TUT7: variants seen among roughly 807,000 people sequenced by gnomAD.
TUT7 encodes the protein terminal uridylyltransferase 7.
A neutral mutation model predicts 165.9 loss-of-function variants in TUT7; 33 were observed. That is an observed-to-expected ratio of 0.20 (90% CI 0.15 to 0.27). The LOEUF (loss-of-function observed/expected upper bound fraction) is 0.27, where lower values mean the gene tolerates loss of function less well. Ranked by LOEUF, TUT7 falls within the 10% of genes least tolerant of loss-of-function variation. The pLI, the probability that TUT7 is intolerant of heterozygous loss-of-function variation, is 1.00. For missense variants in TUT7, 1,338 were observed against 1,762.3 expected, an observed-to-expected ratio of 0.76 and a Z score of 4.31; for synonymous variants, 552 against 608.1, an observed-to-expected ratio of 0.91 and a Z score of 1.36.
intron 26 of TUT7, among the ~76,000 whole-genome samples, chr9:86,296,654 A>G (rs1826352527): frequency 6.6e-6 from 1 of 152,238 alleles, no homozygotes; most frequent in Non-Finnish European, 1.5e-5. Context: ...CACCAATTTT[A>G]TAGATGACAT....
At position 86,340,049 on chromosome 9, in the gene TUT7, T is replaced by G. The variant is rs762880708; in HGVS notation, c.1195A>C (p.Arg399=). The G allele has an allele frequency of 1.3e-5, 21 of 1,613,784 alleles. No homozygotes were observed. The Admixed American group carries it at 3.5e-4, about 27-fold the overall frequency. Residue 399 remains arginine (R), a synonymous_variant, in exon 8 of 27, where the codon AGA becomes CGA. Coordinates refer to ENST00000375963, the MANE Select transcript of TUT7 (RefSeq NM_024617.4). ...AAGAAATGAGACCTTTGCTTTTCTCTGCACACCACCACTGGCACCCTAGCA... is the reference window on the plus strand; with the variant it reads ...AAGAAATGAGACCTTTGCTTTTCTCGGCACACCACCACTGGCACCCTAGCA... ...FHARVPVVVC[R]EKQSGLLCKV...
chr9:86,322,524 AATAAAGGAGTCTGGAATC>A, intron 13 of TUT7, 49 bp from the exon 14 acceptor site: 1 of 1,565,422 alleles, frequency 6.4e-7, no homozygotes, highest in East Asian at 2.3e-5. Flanking sequence ...TTATTTGCCA[AATAAAGGAGTCTGGAATC>A]ATGTTTTAAA....
chr9:86,319,741 T>A, intron 14 of TUT7, 71 bp from the exon 15 acceptor site: 1 of 1,051,932 alleles, frequency 9.5e-7, no homozygotes, highest in Non-Finnish European at 1.4e-6. Context: ...TGAAAAAAAT[T>A]TATTTTTTAG....
chr9:86,343,076 A>G lies in TUT7; in HGVS notation c.1085T>C (p.Ile362Thr), dbSNP rs751269496. ...DVNIDIQFPA[I>T]MSQPDVLLLV... ...GCCAGCATTTCATTTTGTACTTACA[A>G]TGGCTGGAAACTGGATGTCAATGTT... is the stretch of plus-strand genomic sequence containing the variant. The change falls in exon 6 of 27, where the codon ATT becomes ACT. Residue 362 changes from isoleucine (I) to threonine (T), a missense_variant and splice_region_variant. Physicochemically the swap from Ile to Thr is moderately conservative, Grantham distance 89. Coordinates refer to ENST00000375963, the MANE Select transcript of TUT7 (RefSeq NM_024617.4). 6 of 1,597,098 alleles carry G rather than the reference A, an allele frequency of 3.8e-6. No individual in the cohort carries two copies. Among genetic ancestry groups the G allele is most frequent in the East Asian group, 2.3e-5 (1 of 44,144 alleles).
rs1468242400 is a variant in TUT7, at chr9:86,303,092, C to T, written c.4088G>A (p.Arg1363Lys). The T allele has an allele frequency of 2.6e-6, 4 of 1,543,930 alleles. No individual in the cohort carries two copies. The highest frequency in any genetic ancestry group is 2.6e-6 in the Non-Finnish European group (3 of 1,135,672). ...IGHFMKDCPM[R>K]RKVRRRRDQE... ...CCTTTGAACATTTACTTACTTTCTC[C>T]TCATAGGACAGTCCTTCATGAAGTG... The change falls in exon 25 of 27, where the codon AGG becomes AAG. Residue 1363 changes from arginine (R) to lysine (K), a missense_variant. Arg to Lys is a conservative substitution (Grantham distance 26). Coordinates refer to ENST00000375963, the MANE Select transcript of TUT7 (RefSeq NM_024617.4).
intron 16 of TUT7, among the ~76,000 whole-genome samples, chr9:86,318,150 G>A (rs1247132524): frequency 6.6e-6 from 1 of 152,192 alleles, no homozygotes; most frequent in African/African-American, 2.4e-5. Context: ...CATTTGGACT[G>A]CTGTTAAGGA....
intron 16 of TUT7, among the ~76,000 whole-genome samples, chr9:86,317,528 T>C (rs1828836201): frequency 6.6e-6 from 1 of 152,208 alleles, no homozygotes; most frequent in South Asian, 2.1e-4. Context: ...AGGAAGCTTA[T>C]GGACCTAGGG....
chr9:86,293,307 C>T (rs1430785474), intron 26 of TUT7, among the ~76,000 whole-genome samples: 2 of 151,994 alleles, frequency 1.3e-5, no homozygotes, highest in Non-Finnish European at 2.9e-5. Context: ...TAAAAATCAG[C>T]TGAGTGTGGT....
chr9:86,340,566 A>G (rs1831240259), intron 7 of TUT7, among the ~76,000 whole-genome samples: 1 of 152,264 alleles, frequency 6.6e-6, no homozygotes, highest in Non-Finnish European at 1.5e-5. Flanking sequence ...TAAAGCCCCA[A>G]GCTGGACATT....
intron 6 of TUT7, among the ~76,000 whole-genome samples, chr9:86,341,878 T>C (rs1190015266): frequency 6.6e-6 from 1 of 152,156 alleles, no homozygotes; most frequent in African/African-American, 2.4e-5. Context: ...CAGCTCTCAC[T>C]ATAATTACAA....
intron 26 of TUT7, among the ~76,000 whole-genome samples, chr9:86,289,159 G>T (rs771287959): frequency 1.5e-4 from 23 of 152,098 alleles, no homozygotes; most frequent in Non-Finnish European, 3.1e-4. Flanking sequence ...AGCTGTGGAT[G>T]GTAATCATTG....
intron 9 of TUT7, 36 bp from the exon 10 acceptor site, chr9:86,337,574 T>G: frequency 6.3e-7 from 1 of 1,579,014 alleles, no homozygotes; most frequent in Non-Finnish European, 8.6e-7. Context: ...AGCATTCTTT[T>G]TGTATGAATT....
At chr9:86,299,061 G>A (rs1009228915) in intron 26 of TUT7, among the ~76,000 whole-genome samples, 3 of 152,160 alleles carry the variant, frequency 2.0e-5, no homozygotes, top group Admixed American at 1.3e-4. Flanking sequence ...CAGGAGTGCT[G>A]CAGGTCAGCC....
At chr9:86,313,221 G>A (rs187530081) in intron 17 of TUT7, among the ~76,000 whole-genome samples, 1 of 152,110 alleles carries the variant, frequency 6.6e-6, no homozygotes, top group Non-Finnish European at 1.5e-5. Flanking sequence ...TAAGTTGGGA[G>A]GAATCACTGA....
intron 12 of TUT7, 48 bp downstream of exon 12, chr9:86,325,286 C>G: frequency 6.4e-7 from 1 of 1,571,306 alleles, no homozygotes; most frequent in East Asian, 2.2e-5. Context: ...TAGACTGGTA[C>G]CTTTAAAAAA....
chr9:86,347,711 T>A lies in TUT7; in HGVS notation c.521-1231A>T, dbSNP rs1831897322. Reference sequence around the variant, plus strand: ...AATTAAAGTGTTGGAAAAGTAGTTTTAAAAAATCAATCAAAATACACTGAA... The same window carrying A: ...AATTAAAGTGTTGGAAAAGTAGTTTAAAAAAATCAATCAAAATACACTGAA... On this transcript the variant is annotated intron_variant, in intron 2 of 26. Coordinates refer to ENST00000375963, the MANE Select transcript of TUT7 (RefSeq NM_024617.4). 2.0e-5 allele frequency among the ~76,000 whole-genome samples: 3 copies of A among 152,142 alleles called. No individual in the cohort carries two copies. The East Asian group carries it at 5.8e-4, about 29-fold the overall frequency.
At chr9:86,291,202 C>T (rs1295252794) in intron 26 of TUT7, among the ~76,000 whole-genome samples, 1 of 151,954 alleles carries the variant, frequency 6.6e-6, no homozygotes, top group Non-Finnish European at 1.5e-5. Context: ...AAATGAAGAA[C>T]CTTTAAAAAT....
chr9:86,334,755 C>G (rs1830623157), intron 10 of TUT7, among the ~76,000 whole-genome samples: 1 of 151,992 alleles, frequency 6.6e-6, no homozygotes, highest in Non-Finnish European at 1.5e-5. Flanking sequence ...TTAAGGGTTC[C>G]ACTTATCTGT....
At chr9:86,348,658 C>T (rs965572294) in intron 2 of TUT7, among the ~76,000 whole-genome samples, 5 of 152,104 alleles carry the variant, frequency 3.3e-5, no homozygotes, top group East Asian at 1.9e-4. Context: ...GAGGCTGAGA[C>T]GGAAGGACTG....
Sources: allele counts gnomAD v4.1 joint callset (sites outside exome capture counted in the v4.1 genomes callset), GRCh38; gene constraint gnomAD v4.1.1; transcripts MANE v1.5; gene names NCBI Gene and HGNC (gene_info 2026-07-23, HGNC 2026-07-21).